The following SOS2 variants were observed in gnomAD, a reference collection of about 807,000 sequenced individuals.
The protein encoded by SOS2 is son of sevenless homolog 2.
In SOS2, 65 loss-of-function variants were observed where a neutral mutation model predicts 148.2. The ratio of observed to expected loss-of-function variants is 0.44; its 90% confidence interval spans 0.36 to 0.54. SOS2 has a LOEUF of 0.54. Ranked by LOEUF, SOS2 falls within the 20% of genes least tolerant of loss-of-function variation. The probability of loss-of-function intolerance (pLI) is 0.00; values close to 1 mark genes in which losing one functional copy is unlikely to be tolerated. For missense variants in SOS2, 1,341 were observed against 1,590.2 expected (o/e 0.84, Z 2.67); for synonymous variants, 539 against 537.1 (o/e 1.00, Z -0.05).
chr14:50,118,662 A>C lies in SOS2; in HGVS notation c.3681T>G (p.Phe1227Leu), dbSNP rs748607274. 24 of 1,613,738 alleles carry C rather than the reference A, an allele frequency of 1.5e-5. No individual in the cohort carries two copies. The East Asian group carries it at 4.9e-4, about 33-fold the overall frequency. Residue 1227 changes from phenylalanine to leucine, a missense_variant, in exon 23 of 23, where the codon TTT (phenylalanine) becomes TTG (leucine). Physicochemically the swap from Phe to Leu is conservative, Grantham distance 22 (BLOSUM62 0). Around this residue, in one of 4 missense-constraint regions of SOS2, gnomAD observed 354 missense variants for 347.7 expected, o/e 1.02. Coordinates refer to ENST00000216373, the MANE Select transcript of SOS2 (RefSeq NM_006939.4). ...GCTGAAGATTAAATGGACAGTTTAT[A>C]AAGTGTTCTGGAGGCCGAAGGGGAA... ...PPVPLRPPEH[F>L]INCPFNLQPP...
At position 50,192,750 on chromosome 14, in the gene SOS2, G is replaced by A. The variant is rs550032350; in HGVS notation, c.511-4050C>T. Among the ~76,000 whole-genome samples, 11 of 152,124 alleles carry A rather than the reference G, an allele frequency of 7.2e-5. No homozygotes were observed. The East Asian group carries it at 1.9e-3, about 27-fold the overall frequency. ...GTGGTGGCAAGTGCCTGTAATCCCA[G>A]CTACTCAGAAGGCTGAGGCAGGAGA... On this transcript the variant is annotated intron_variant, in intron 4 of 22. Coordinates refer to ENST00000216373, the MANE Select transcript of SOS2 (RefSeq NM_006939.4).
chr14:50,174,795 T>TA (rs1885471995), intron 7 of SOS2, among the ~76,000 whole-genome samples: 1 of 152,228 alleles, frequency 6.6e-6, no homozygotes, highest in African/African-American at 2.4e-5. Flanking sequence ...GCTTTCACAA[T>TA]AATCCTCTAC....
chr14:50,222,862 G>A (rs1243042905), intron 1 of SOS2, among the ~76,000 whole-genome samples: 3 of 152,156 alleles, frequency 2.0e-5, no homozygotes, highest in Admixed American at 6.5e-5. Context: ...ACAAAGGAGT[G>A]AAATGATCTC....
chr14:50,140,125 T>A, intron 16 of SOS2, 66 bp from the exon 17 acceptor site: 3 of 804,684 alleles, frequency 3.7e-6, no homozygotes, highest in Non-Finnish European at 6.0e-6. Context: ...AATGCAAACC[T>A]TTAAATTTTA....
At chr14:50,185,339 G>C (rs80247444) in intron 5 of SOS2, among the ~76,000 whole-genome samples, 1,798 of 152,254 alleles carry the variant, frequency 0.012, 39 homozygotes, top group African/African-American at 0.04. Context: ...AATTACTTTG[G>C]TGTATGGGGA....
intron 1 of SOS2, among the ~76,000 whole-genome samples, chr14:50,204,745 C>T (rs1886606599): frequency 6.6e-6 from 1 of 152,158 alleles, no homozygotes; most frequent in South Asian, 2.1e-4. Flanking sequence ...GAAGTCTACG[C>T]AGGTCATGAA....
chr14:50,230,964 T>G, intron 1 of SOS2: 1 of 990,600 alleles, frequency 1.0e-6, no homozygotes, highest in Non-Finnish European at 1.3e-6. Context: ...GACTGCAACA[T>G]GAAATCCAGT....
chr14:50,198,766 GAT>G (rs1886392045), intron 4 of SOS2, among the ~76,000 whole-genome samples: 1 of 152,192 alleles, frequency 6.6e-6, no homozygotes, highest in Non-Finnish European at 1.5e-5. Context: ...TTACTAGTAT[GAT>G]AGTTTTAATC....
chr14:50,216,178 C>A (rs1887035787), intron 1 of SOS2, among the ~76,000 whole-genome samples: 1 of 151,450 alleles, frequency 6.6e-6, no homozygotes, highest in Non-Finnish European at 1.5e-5. Flanking sequence ...CTCACTGCAA[C>A]CTCCACCTCC....
chr14:50,133,577 C>T (rs1883978341), intron 19 of SOS2, among the ~76,000 whole-genome samples: 1 of 152,190 alleles, frequency 6.6e-6, no homozygotes, highest in Non-Finnish European at 1.5e-5. Flanking sequence ...TGACTTCCTG[C>T]TTCACCTAAA....
chr14:50,178,802 C>T (rs1317639365), intron 7 of SOS2, among the ~76,000 whole-genome samples: 1 of 151,202 alleles, frequency 6.6e-6, no homozygotes, highest in African/African-American at 2.4e-5. Flanking sequence ...GGCACGATCT[C>T]GGCTCACTGC....
intron 13 of SOS2, among the ~76,000 whole-genome samples, chr14:50,151,688 T>C (rs1009802840): frequency 1.3e-5 from 2 of 152,206 alleles, no homozygotes; most frequent in Admixed American, 6.6e-5. Flanking sequence ...CTTCTTAGAT[T>C]GTGTCTAATC....
At chr14:50,222,285 C>A (rs1455582286) in intron 1 of SOS2, among the ~76,000 whole-genome samples, 1 of 152,092 alleles carries the variant, frequency 6.6e-6, no homozygotes, top group African/African-American at 2.4e-5. Flanking sequence ...TTTCAAAATT[C>A]TTTTGGGGAT....
At chr14:50,145,375 C>G in intron 15 of SOS2, 43 bp from the exon 16 acceptor site, 2 of 1,568,366 alleles carry the variant, frequency 1.3e-6, no homozygotes, top group Non-Finnish European at 1.7e-6. Flanking sequence ...GTTTCTTCAC[C>G]TCACTTAGAA....
chr14:50,120,071 G>T lies in SOS2; in HGVS notation c.3489+204C>A, dbSNP rs571003271. 3.3e-5 allele frequency among the ~76,000 whole-genome samples: 5 copies of T among 152,258 alleles called. No homozygotes were observed. In the East Asian group the frequency reaches 7.7e-4, roughly 23 times the overall value. ...CAGGTGATCTACCCGCCTGGCATGA[G>T]CCACTGCGCCCGGCCCAGCCTCTTA... On this transcript the variant is annotated intron_variant, in intron 22 of 22. Coordinates refer to ENST00000216373, the MANE Select transcript of SOS2 (RefSeq NM_006939.4).
chr14:50,204,809 G>A (rs1157638240), intron 1 of SOS2, among the ~76,000 whole-genome samples: 1 of 152,014 alleles, frequency 6.6e-6, no homozygotes, highest in Non-Finnish European at 1.5e-5. Context: ...AAATTATAGA[G>A]GTGCTCTGTG....
At chr14:50,220,068 C>T (rs1887154416) in intron 1 of SOS2, among the ~76,000 whole-genome samples, 1 of 151,680 alleles carries the variant, frequency 6.6e-6, no homozygotes, top group African/African-American at 2.4e-5. Flanking sequence ...CACCTGTATG[C>T]TTAGCATACA....
chr14:50,181,467 A>C (rs1462553120), intron 6 of SOS2, among the ~76,000 whole-genome samples: 1 of 151,974 alleles, frequency 6.6e-6, no homozygotes, highest in African/African-American at 2.4e-5. Context: ...AATGATTAGA[A>C]TATCAAGGCA....
At chr14:50,174,945 A>G (rs1885475145) in intron 7 of SOS2, among the ~76,000 whole-genome samples, 1 of 152,228 alleles carries the variant, frequency 6.6e-6, no homozygotes, top group Admixed American at 6.5e-5. Context: ...AATGTGATTT[A>G]TAACTATTTC....
Sources: gnomAD v4.1 joint callset for allele counts (sites outside exome capture counted in the v4.1 genomes callset) on GRCh38, gnomAD v4.1.1 for gene constraint, gnomAD v4.1.1 regional missense constraint, MANE v1.5 for transcripts, NCBI Gene and HGNC (gene_info 2026-07-23, HGNC 2026-07-21) for gene names.